GAS2: variants seen among roughly 807,000 people sequenced by gnomAD.
GAS2 encodes the protein growth arrest-specific protein 2.
A neutral mutation model predicts 37.5 loss-of-function variants in GAS2; 20 were observed. The observed-to-expected ratio is 0.53, with a 90% CI of 0.37 to 0.77. The LOEUF (loss-of-function observed/expected upper bound fraction) is 0.77. Ranked by LOEUF, GAS2 falls within the 30% of genes least tolerant of loss-of-function variation. GAS2 has a pLI of 0.00. For missense variants in GAS2, 336 were observed against 373.4 expected, an observed-to-expected ratio of 0.90 and a Z score of 0.82; for synonymous variants, 144 against 132.2, an observed-to-expected ratio of 1.09 and a Z score of -0.61.
chr11:22,728,543 A>G (rs111702466), intron 4 of GAS2, among the ~76,000 whole-genome samples: 1 of 151,298 alleles, frequency 6.6e-6, no homozygotes, highest in East Asian at 1.9e-4. Context: ...TATATTATAT[A>G]TATAATTGTA....
At chr11:22,719,773 T>G (rs1356062984) in intron 3 of GAS2, among the ~76,000 whole-genome samples, 1 of 152,116 alleles carries the variant, frequency 6.6e-6, no homozygotes, top group Admixed American at 6.6e-5. Flanking sequence ...AACTTCCACC[T>G]TGTGTTTTCA....
chr11:22,786,988 C>T (rs994725638), intron 7 of GAS2, among the ~76,000 whole-genome samples: 2 of 152,086 alleles, frequency 1.3e-5, no homozygotes, highest in Non-Finnish European at 2.9e-5. Flanking sequence ...TGAAGTGAGG[C>T]CTGATAATCC....
intron 7 of GAS2, among the ~76,000 whole-genome samples, chr11:22,807,147 A>G (rs1856939746): frequency 6.6e-6 from 1 of 152,222 alleles, no homozygotes; most frequent in Non-Finnish European, 1.5e-5. Context: ...TCAAAGCAAG[A>G]GAGAAGCATT....
intron 3 of GAS2, among the ~76,000 whole-genome samples, chr11:22,713,808 A>C (rs1293536729): frequency 6.6e-6 from 1 of 152,188 alleles, no homozygotes; most frequent in Non-Finnish European, 1.5e-5. Context: ...TGCTAAGAGA[A>C]TTATTCACCA....
chr11:22,648,616 G>A, intron 1 of GAS2, among the ~76,000 whole-genome samples: 1 of 152,118 alleles, frequency 6.6e-6, no homozygotes, highest in East Asian at 1.9e-4. Flanking sequence ...GTGGTTTGTA[G>A]TTCTCCTTGA....
chr11:22,781,580 G>A (rs1855557491), intron 7 of GAS2, among the ~76,000 whole-genome samples: 1 of 152,018 alleles, frequency 6.6e-6, no homozygotes, highest in Admixed American at 6.6e-5. Context: ...TCTTTCTATA[G>A]GAAGAGATTA....
chr11:22,783,426 C>T (rs921171393), intron 7 of GAS2, among the ~76,000 whole-genome samples: 8 of 152,098 alleles, frequency 5.3e-5, no homozygotes, highest in Admixed American at 1.3e-4. Context: ...TCTCTTCTTT[C>T]GTAGAAGCTC....
At chr11:22,790,453 A>G (rs996305299) in intron 7 of GAS2, among the ~76,000 whole-genome samples, 4 of 152,144 alleles carry the variant, frequency 2.6e-5, no homozygotes, top group Non-Finnish European at 5.9e-5. Flanking sequence ...GATGGAAAGC[A>G]TTTTTATACT....
At chr11:22,677,260 T>G (rs770562284) in intron 2 of GAS2, among the ~76,000 whole-genome samples, 11 of 152,066 alleles carry the variant, frequency 7.2e-5, no homozygotes, top group Admixed American at 3.9e-4. Context: ...AACTGAAGAT[T>G]AATAGCTAGC....
At position 22,708,564 on chromosome 11, in the gene GAS2, G is replaced by T. The variant is rs190324871; in HGVS notation, c.268-17728G>T. Among the ~76,000 whole-genome samples the T allele has an allele frequency of 5.9e-5, 9 of 152,228 alleles. No homozygotes were observed. The East Asian group carries it at 1.7e-3, about 29-fold the overall frequency. Reference sequence around the variant, plus strand: ...CTAAAAATCCAGCATTCAAACTCAGGCAGTCTGGTTCCAAATGTACTTATG... The same window carrying T: ...CTAAAAATCCAGCATTCAAACTCAGTCAGTCTGGTTCCAAATGTACTTATG... On this transcript the variant is annotated intron_variant, in intron 3 of 7. Coordinates refer to ENST00000454584, the MANE Select transcript of GAS2 (RefSeq NM_001143830.3).
At chr11:22,749,335 C>T (rs569510683) in intron 6 of GAS2, 74 bp downstream of exon 6, 19 of 1,333,836 alleles carry the variant, frequency 1.4e-5, no homozygotes, top group South Asian at 2.7e-5. Context: ...TGTGCAATCT[C>T]GTATCAGTCT....
intron 1 of GAS2, among the ~76,000 whole-genome samples, chr11:22,627,571 C>G (rs1205126342): frequency 8.5e-5 from 13 of 152,134 alleles, no homozygotes. Context: ...GAGTTCCAGA[C>G]CAGCCTGGCC....
At chr11:22,649,211 G>T (rs948388619) in intron 1 of GAS2, among the ~76,000 whole-genome samples, 1 of 151,790 alleles carries the variant, frequency 6.6e-6, no homozygotes, top group African/African-American at 2.4e-5. Flanking sequence ...TTATATGCTG[G>T]ATTACATTTA....
At chr11:22,739,370 C>T (rs146241223) in intron 5 of GAS2, among the ~76,000 whole-genome samples, 1 of 151,576 alleles carries the variant, frequency 6.6e-6, no homozygotes. Flanking sequence ...GTCAGGAGAT[C>T]GAGACCATCC....
intron 4 of GAS2, chr11:22,731,278 T>A (rs1417587980): frequency 4.8e-6 from 2 of 415,976 alleles, no homozygotes; most frequent in African/African-American, 4.2e-5. Flanking sequence ...AATACACACT[T>A]TTTTTGCTTG....
chr11:22,729,174 A>T (rs1852357885), intron 4 of GAS2, among the ~76,000 whole-genome samples: 1 of 151,866 alleles, frequency 6.6e-6, no homozygotes, highest in African/African-American at 2.4e-5. Flanking sequence ...GATAAAGTAG[A>T]TCACTGTACT....
chr11:22,666,981 T>G (rs1376027109), intron 1 of GAS2, 82 bp downstream of exon 1: 3 of 152,286 alleles, frequency 2.0e-5, no homozygotes, highest in African/African-American at 7.2e-5. Flanking sequence ...CGGGAGCCCC[T>G]GCCTGTCTAC....
At chr11:22,804,259 T>C (rs1856794096) in intron 7 of GAS2, among the ~76,000 whole-genome samples, 1 of 152,036 alleles carries the variant, frequency 6.6e-6, no homozygotes, top group African/African-American at 2.4e-5. Context: ...AACTTAACAA[T>C]GTAGAAGAAA....
rs116007517 is a variant in GAS2, at chr11:22,798,143, A to G, written c.724-13655A>G. 1.9e-3 allele frequency among the ~76,000 whole-genome samples: 282 copies of G among 152,214 alleles called. 2 individuals carry two copies. The highest frequency in any genetic ancestry group is 6.4e-3 in the African/African-American group (267 of 41,554). ...AGCCACTGTTTTCTCATTTTTAAAT[A>G]TGAACATAATGCAAACCACTTAGAG... On this transcript the variant is annotated intron_variant, in intron 7 of 7. Coordinates refer to ENST00000454584, the MANE Select transcript of GAS2 (RefSeq NM_001143830.3).
Sources: gnomAD v4.1 joint callset for allele counts (sites outside exome capture counted in the v4.1 genomes callset) on GRCh38, gnomAD v4.1.1 for gene constraint, MANE v1.5 for transcripts, NCBI Gene and HGNC (gene_info 2026-07-23, HGNC 2026-07-21) for gene names.